ASTN1: variants seen among roughly 807,000 people sequenced by gnomAD.
ASTN1 encodes the protein astrotactin 1, also known as astrotactin-1.
In ASTN1, 41 loss-of-function variants were observed where a neutral mutation model predicts 140.7. The ratio of observed to expected loss-of-function variants is 0.29; its 90% CI spans 0.23 to 0.38. ASTN1 has a LOEUF of 0.38. ASTN1 is among the 10% of genes least tolerant of loss of function. The pLI is 1.00. For synonymous variants in ASTN1, 640 were observed against 652.2 expected (o/e 0.98, Z 0.29); for missense variants, 1,479 against 1,678.8 (o/e 0.88, Z 2.08).
At chr1:177,062,885 C>T (rs903523489) in intron 1 of ASTN1, among the ~76,000 whole-genome samples, 6 of 152,296 alleles carry the variant, frequency 3.9e-5, no homozygotes, top group African/African-American at 1.4e-4. Context: ...TTCTACAAAG[C>T]AACCCACCAT....
intron 7 of ASTN1, 26 bp from the exon 8 acceptor site, chr1:177,014,901 A>C (rs1266046082): frequency 6.3e-7 from 1 of 1,577,606 alleles, no homozygotes; most frequent in Non-Finnish European, 8.7e-7. Context: ...AGGAGGAAGA[A>C]AGAGAAACAT....
At chr1:177,161,396 T>C (rs1647356809) in intron 1 of ASTN1, among the ~76,000 whole-genome samples, 1 of 152,256 alleles carries the variant, frequency 6.6e-6, no homozygotes, top group East Asian at 1.9e-4. Context: ...TCACCTTTCC[T>C]AGTCCAAGCC....
intron 21 of ASTN1, among the ~76,000 whole-genome samples, chr1:176,876,189 G>C (rs1668550983): frequency 6.6e-6 from 1 of 152,182 alleles, no homozygotes; most frequent in African/African-American, 2.4e-5. Flanking sequence ...AAAACCTATA[G>C]ACAGAGTGAG....
At chr1:177,131,418 T>G (rs1350426433) in intron 1 of ASTN1, among the ~76,000 whole-genome samples, 1 of 152,218 alleles carries the variant, frequency 6.6e-6, no homozygotes, top group Non-Finnish European at 1.5e-5. Context: ...ATATCATTGT[T>G]TATTTTATTC....
chr1:176,874,405 T>C (rs1282979991), intron 21 of ASTN1, among the ~76,000 whole-genome samples: 1 of 152,234 alleles, frequency 6.6e-6, no homozygotes, highest in African/African-American at 2.4e-5. Flanking sequence ...CCTTTTCTTC[T>C]TCACCAGTAT....
chr1:176,961,138 C>T (rs1393473697), intron 9 of ASTN1, among the ~76,000 whole-genome samples: 1 of 152,154 alleles, frequency 6.6e-6, no homozygotes, highest in Non-Finnish European at 1.5e-5. Flanking sequence ...AACGATATTT[C>T]ATTAGGTTCT....
intron 1 of ASTN1, among the ~76,000 whole-genome samples, chr1:177,067,194 G>A (rs1678405368): frequency 6.6e-6 from 1 of 152,152 alleles, no homozygotes; most frequent in African/African-American, 2.4e-5. Context: ...GATAGGATAG[G>A]AGGACAAATA....
At chr1:177,038,157 G>T (rs903904679) in intron 2 of ASTN1, among the ~76,000 whole-genome samples, 5 of 152,092 alleles carry the variant, frequency 3.3e-5, no homozygotes, top group Non-Finnish European at 7.4e-5. Context: ...CTGGGTCCTG[G>T]GTCATACCTC....
intron 18 of ASTN1, among the ~76,000 whole-genome samples, chr1:176,885,536 C>T (rs1669000011): frequency 6.6e-6 from 1 of 152,176 alleles, no homozygotes; most frequent in South Asian, 2.1e-4. Context: ...TACAAGTATC[C>T]CTGCCATTTA....
intron 2 of ASTN1, among the ~76,000 whole-genome samples, chr1:177,053,171 C>A (rs974112687): frequency 6.6e-6 from 1 of 152,138 alleles, no homozygotes; most frequent in Non-Finnish European, 1.5e-5. Flanking sequence ...ATGACTCCTG[C>A]TTTCAAAAGG....
intron 6 of ASTN1, among the ~76,000 whole-genome samples, chr1:177,024,030 G>A (rs1571666260): frequency 1.3e-5 from 2 of 152,342 alleles, no homozygotes; most frequent in Middle Eastern, 3.4e-3. Context: ...TCAGAGAACA[G>A]ACATTAACAA....
chr1:176,912,682 A>G (rs990942265), intron 16 of ASTN1, among the ~76,000 whole-genome samples: 3 of 152,168 alleles, frequency 2.0e-5, no homozygotes, highest in Non-Finnish European at 2.9e-5. Flanking sequence ...TCTTTTAACC[A>G]CTAAGCTATA....
At chr1:177,111,969 T>C (rs1399586935) in intron 1 of ASTN1, among the ~76,000 whole-genome samples, 2 of 152,178 alleles carry the variant, frequency 1.3e-5, no homozygotes, top group African/African-American at 4.8e-5. Flanking sequence ...AAAGTTGTTC[T>C]GTAGCCTTTC....
Position 176,863,289 on chromosome 1 carries a change from C to T in ASTN1, c.*995G>A, listed in dbSNP as rs950074920. The T allele has an allele frequency of 1.0e-6, 1 of 985,706 alleles. No individual in the cohort carries two copies. 61.1% of individuals were successfully genotyped at this position (985,706 alleles called of 1,614,324 possible). On this transcript the variant is annotated 3_prime_UTR_variant, in exon 23 of 23. Transcript: ENST00000361833. ...TTTGTGATCAATAATAGCTTTAGTT[C>T]ACTGTAACACTGATATGAAAGTGTT... is the stretch of plus-strand genomic sequence containing the variant.
chr1:177,022,131 C>T (rs1033713025), intron 7 of ASTN1, among the ~76,000 whole-genome samples: 1 of 152,164 alleles, frequency 6.6e-6, no homozygotes, highest in African/African-American at 2.4e-5. Flanking sequence ...GCTACTCTCC[C>T]AGAGGGATCT....
At position 177,063,034 on chromosome 1, in the gene ASTN1, G is replaced by C. The variant is rs111631305; in HGVS notation, c.284-1769C>G. On this transcript the variant is annotated intron_variant, in intron 1 of 22. Transcript: ENST00000361833. ...GGATGATGATACTGGTAATGGGTTT[G>C]ATGGGCAAGTGGACTTCCTTTCAAT... Among the ~76,000 whole-genome samples the C allele has an allele frequency of 7.9e-4, 121 of 152,310 alleles. 1 individual carries two copies. Among genetic ancestry groups the C allele is most frequent in the African/African-American group, 2.6e-3 (110 of 41,574 alleles).
intron 8 of ASTN1, among the ~76,000 whole-genome samples, chr1:176,996,322 G>GAGAGAC (rs1488877546): frequency 6.6e-6 from 1 of 151,548 alleles, no homozygotes; most frequent in African/African-American, 2.4e-5. Context: ...GAGAGAGAGA[G>GAGAGAC]AGAGACAGAG....
intron 14 of ASTN1, among the ~76,000 whole-genome samples, chr1:176,939,454 G>C (rs1671595835): frequency 6.6e-6 from 1 of 152,128 alleles, no homozygotes; most frequent in South Asian, 2.1e-4. Context: ...CCACACCATA[G>C]TCAGGGAACA....
intron 1 of ASTN1, among the ~76,000 whole-genome samples, chr1:177,137,014 G>A (rs1558121837): frequency 6.6e-6 from 1 of 152,188 alleles, no homozygotes; most frequent in South Asian, 2.1e-4. Flanking sequence ...CTGGATGCCT[G>A]TAGCACCAAA....
Sources: allele counts gnomAD v4.1 joint callset (sites outside exome capture counted in the v4.1 genomes callset), GRCh38; gene constraint gnomAD v4.1.1; transcripts MANE v1.5; gene names NCBI Gene and HGNC (gene_info 2026-07-23, HGNC 2026-07-21).